ABHD16A: variants seen among roughly 807,000 people sequenced by gnomAD.
The protein encoded by ABHD16A is abhydrolase domain containing 16A, phospholipase, also known as phosphatidylserine lipase ABHD16A.
Under a neutral mutation model 89.8 loss-of-function variants are expected in ABHD16A, and 47 were observed. The observed-to-expected ratio is 0.52, with a 90% CI of 0.41 to 0.67. The LOEUF is 0.67. Among genes scored for constraint, ABHD16A ranks in the 30% least tolerant of loss-of-function variants. The probability of loss-of-function intolerance (pLI) is 0.00; values close to 1 mark genes in which losing one functional copy is unlikely to be tolerated. For synonymous variants in ABHD16A, 251 were observed against 280.4 expected, an observed-to-expected ratio of 0.90 and a Z score of 1.05; for missense variants, 580 against 734.6, an observed-to-expected ratio of 0.79 and a Z score of 2.43.
chr6:31,697,040 G>A lies in ABHD16A; in HGVS notation c.344-7C>T. On this transcript the variant is annotated splice_polypyrimidine_tract_variant and splice_region_variant and intron_variant, in intron 4 of 19. Coordinates refer to ENST00000395952, the MANE Select transcript of ABHD16A (RefSeq NM_021160.3). ...TTGGTCCAGCGGCCAATGCCTGGTA[G>A]AAAAAGGACAGGAAACAGTGCTAGG... The A allele has an allele frequency of 6.2e-7, 1 of 1,611,526 alleles. No homozygotes were observed. Among genetic ancestry groups the A allele is most frequent in the Non-Finnish European group, 8.5e-7 (1 of 1,178,676 alleles).
At chr6:31,691,175 A>C (rs1341079398) in intron 9 of ABHD16A, among the ~76,000 whole-genome samples, 1 of 152,140 alleles carries the variant, frequency 6.6e-6, no homozygotes, top group African/African-American at 2.4e-5. Flanking sequence ...CTGGGTCCAA[A>C]TACCAGCTCT....
chr6:31,689,127 C>G lies in ABHD16A; in HGVS notation c.1082-8G>C. 1 of 1,612,076 alleles carries G rather than the reference C, an allele frequency of 6.2e-7. No homozygotes were observed. Among genetic ancestry groups the G allele is most frequent in the Non-Finnish European group, 8.5e-7 (1 of 1,178,708 alleles). ...ACATGGCTGCCCACGTGGCTGGTAC[C>G]AGGGCAGGGAAGAAGAGTAAGAACT... On this transcript the variant is annotated splice_region_variant and splice_polypyrimidine_tract_variant and intron_variant, in intron 12 of 19. Transcript: ENST00000395952.
chr6:31,690,433 A>G lies in ABHD16A; in HGVS notation c.907+106T>C, dbSNP rs1803759727. On this transcript the variant is annotated intron_variant, in intron 10 of 19. Transcript: ENST00000395952. The surrounding 1 kb of genome is among the most constrained non-coding windows in gnomAD (Gnocchi z 4.1). ...TTTTCCCTAAAGCTGAGAGACTCAA[A>G]ACCTCACCCAGAGAAAGCAGAGGCC... The G allele has an allele frequency of 7.8e-7, 1 of 1,275,584 alleles. No homozygotes were observed. The highest frequency in any genetic ancestry group is 1.1e-6 in the Non-Finnish European group (1 of 879,914). 79.0% of individuals were successfully genotyped at this position (1,275,584 alleles called of 1,614,324 possible). A position where few individuals can be genotyped will look rare whatever the true frequency, so the allele number is the denominator to read the frequency against.
chr6:31,688,702 C>T lies in ABHD16A; in HGVS notation c.1250+21G>A, dbSNP rs767734658. 13 of 1,612,558 alleles carry T rather than the reference C, an allele frequency of 8.1e-6. No homozygotes were observed. The highest frequency in any genetic ancestry group is 5.5e-5 in the South Asian group (5 of 91,066). On this transcript the variant is annotated intron_variant, in intron 14 of 19. Transcript: ENST00000395952. This position sits in a 1 kb window ranked among gnomAD's most constrained non-coding sequence, Gnocchi z 4.9. The stretch of plus-strand genomic sequence containing the variant: ...TGTATGGGGGGCAGGTGTTCAATGC[C>T]GGACGCTGGCCGGCCCTCACCTGCA...
Position 31,688,577 on chromosome 6 carries a change from C to G in ABHD16A, c.1250+146G>C. 1 of 1,014,000 alleles carries G rather than the reference C, an allele frequency of 9.9e-7. No individual in the cohort carries two copies. Among genetic ancestry groups the G allele is most frequent in the South Asian group, 1.5e-5 (1 of 65,968 alleles). 62.8% of individuals were successfully genotyped at this position (1,014,000 alleles called of 1,614,324 possible). A position where few individuals can be genotyped will look rare whatever the true frequency, so the allele number is the denominator to read the frequency against. On this transcript the variant is annotated intron_variant, in intron 14 of 19. Coordinates refer to ENST00000395952, the MANE Select transcript of ABHD16A (RefSeq NM_021160.3). The surrounding 1 kb of genome is among the most constrained non-coding windows in gnomAD (Gnocchi z 4.9). ...CCCAGGGGACCTGGGAGGGGTTAGG[C>G]CAGTTGAGGTGGTGGCAGGGTCACT...
chr6:31,699,630 T>C (rs1804735026), intron 4 of ABHD16A, among the ~76,000 whole-genome samples: 1 of 152,144 alleles, frequency 6.6e-6, no homozygotes, highest in East Asian at 1.9e-4. Flanking sequence ...TGGAGTGCAG[T>C]GGTGCTATCT....
intron 1 of ABHD16A, 33 bp from the exon 2 acceptor site, chr6:31,702,163 G>T (rs772531730): frequency 1.0e-5 from 16 of 1,607,664 alleles, no homozygotes; most frequent in Non-Finnish European, 1.3e-5. Context: ...TAAGGACCCT[G>T]CCCACTGGCA....
Position 31,690,186 on chromosome 6 carries a change from C to G in ABHD16A, c.908-59G>C. On this transcript the variant is annotated intron_variant, in intron 10 of 19. Transcript: ENST00000395952. This position sits in a 1 kb window ranked among gnomAD's most constrained non-coding sequence, Gnocchi z 4.1. Reference sequence around the variant, plus strand: ...GTGGCCCACAGCCCTTTCTCCATCCCTGGGGGAAGGAAGAGCAGAAGTACC... The same window carrying G: ...GTGGCCCACAGCCCTTTCTCCATCCGTGGGGGAAGGAAGAGCAGAAGTACC... 1 of 1,475,062 alleles carries G rather than the reference C, an allele frequency of 6.8e-7. No individual in the cohort carries two copies. The highest frequency in any genetic ancestry group is 9.1e-7 in the Non-Finnish European group (1 of 1,092,980). 91.4% of individuals were successfully genotyped at this position (1,475,062 alleles called of 1,614,324 possible).
rs1803486974 is a variant in ABHD16A at position 31,688,133 on chromosome 6, G to A, written c.1308-30C>T. On this transcript the variant is annotated intron_variant, in intron 15 of 19. Coordinates refer to ENST00000395952, the MANE Select transcript of ABHD16A (RefSeq NM_021160.3). The surrounding 1 kb of genome is among the most constrained non-coding windows in gnomAD (Gnocchi z 4.9). ...GGGTGAGAAGAATGTACCCTGGAGG[G>A]GCTGGAGGTTAGGAGGAAGGGTCTA... 6.2e-7 allele frequency: 1 copy of A among 1,607,892 alleles called. No homozygotes were observed. The highest frequency in any genetic ancestry group is 1.3e-5 in the African/African-American group (1 of 74,784).
At chr6:31,697,175 G>T in intron 4 of ABHD16A, 142 bp from the exon 5 acceptor site, 1 of 727,554 alleles carries the variant, frequency 1.4e-6, no homozygotes, top group South Asian at 1.8e-5. Flanking sequence ...ATAGGATGCG[G>T]AGAAATAGAT....
intron 4 of ABHD16A, among the ~76,000 whole-genome samples, chr6:31,700,717 G>A (rs1583722763): frequency 6.6e-6 from 1 of 151,658 alleles, no homozygotes. Flanking sequence ...GGACAACATG[G>A]TGAGACCCTA....
chr6:31,702,609 T>C, intron 1 of ABHD16A: 5 of 1,479,152 alleles, frequency 3.4e-6, no homozygotes, highest in Non-Finnish European at 4.5e-6. Context: ...TAGAACAGCC[T>C]ACCACCACCC....
intron 1 of ABHD16A, chr6:31,702,858 G>C: frequency 7.3e-7 from 1 of 1,366,904 alleles, no homozygotes; most frequent in Non-Finnish European, 9.5e-7. Context: ...CGGGACTCAA[G>C]ACTCAACTGG....
At chr6:31,697,169 G>T in intron 4 of ABHD16A, 136 bp from the exon 5 acceptor site, 1 of 753,882 alleles carries the variant, frequency 1.3e-6, no homozygotes, top group Non-Finnish European at 2.2e-6. Context: ...GAGGGCATAG[G>T]ATGCGGAGAA....
Position 31,688,819 on chromosome 6 carries a change from G to A in ABHD16A, c.1187-33C>T, listed in dbSNP as rs988587880. 6 of 1,603,012 alleles carry A rather than the reference G, an allele frequency of 3.7e-6. No homozygotes were observed. Among genetic ancestry groups the A allele is most frequent in the African/African-American group, 1.3e-5 (1 of 74,656 alleles). On this transcript the variant is annotated intron_variant, in intron 13 of 19. Transcript: ENST00000395952. The surrounding 1 kb of genome is among the most constrained non-coding windows in gnomAD (Gnocchi z 4.9). The stretch of plus-strand genomic sequence containing the variant: ...GGGATAAAGGTGAAGGGATGGCAGA[G>A]ACAAAGCCCTTGCCCAACATAAAGG...
chr6:31,699,991 G>C (rs928100237), intron 4 of ABHD16A, among the ~76,000 whole-genome samples: 3 of 151,910 alleles, frequency 2.0e-5, no homozygotes, highest in Non-Finnish European at 4.4e-5. Context: ...CTGGTGATCT[G>C]CCTGCTTCAG....
rs752679116 is a variant in ABHD16A at position 31,688,714 on chromosome 6, G to A, written c.1250+9C>T. 9.3e-6 allele frequency: 15 copies of A among 1,612,696 alleles called. No homozygotes were observed. Among genetic ancestry groups the A allele is most frequent in the East Asian group, 2.2e-5 (1 of 44,894 alleles). ...AGGTGTTCAATGCCGGACGCTGGCC[G>A]GCCCTCACCTGCACAGCTGCTCCGC... On this transcript the variant is annotated intron_variant, in intron 14 of 19. Coordinates refer to ENST00000395952, the MANE Select transcript of ABHD16A (RefSeq NM_021160.3). The surrounding 1 kb of genome is among the most constrained non-coding windows in gnomAD (Gnocchi z 4.9).
chr6:31,688,457 A>G lies in ABHD16A; in HGVS notation c.1251-152T>C. On this transcript the variant is annotated intron_variant, in intron 14 of 19. Coordinates refer to ENST00000395952, the MANE Select transcript of ABHD16A (RefSeq NM_021160.3). This position sits in a 1 kb window ranked among gnomAD's most constrained non-coding sequence, Gnocchi z 4.9. ...CTTCACTCAGGGGTGAGAGGGGATT[A>G]TTTAAGGGGCATGGTTCAGTCTGGC... 1 of 863,264 alleles carries G rather than the reference A, an allele frequency of 1.2e-6. No individual in the cohort carries two copies. Among genetic ancestry groups the G allele is most frequent in the Non-Finnish European group, 1.8e-6 (1 of 547,106 alleles). 53.5% of individuals were successfully genotyped at this position (863,264 alleles called of 1,614,324 possible).
rs1803810206 is a variant in ABHD16A at position 31,690,856 on chromosome 6, G to C, written c.844-254C>G. Among the ~76,000 whole-genome samples the C allele has an allele frequency of 6.6e-6, 1 of 152,128 alleles. No homozygotes were observed. The highest frequency in any genetic ancestry group is 1.5e-5 in the Non-Finnish European group (1 of 68,016). ...CTTTTCCTTGGAAGATTACCAGCTG[G>C]ATCTCTTTCAGGAAGGGGACTATGG... On this transcript the variant is annotated intron_variant, in intron 9 of 19. Transcript: ENST00000395952. The surrounding 1 kb of genome is among the most constrained non-coding windows in gnomAD (Gnocchi z 4.1).
Sources: allele counts gnomAD v4.1 joint callset (sites outside exome capture counted in the v4.1 genomes callset), GRCh38; gene constraint gnomAD v4.1.1; non-coding constraint Gnocchi (gnomAD v3.1); transcripts MANE v1.5; gene names NCBI Gene and HGNC (gene_info 2026-07-23, HGNC 2026-07-21).